EIF3I: variants seen among roughly 807,000 people sequenced by gnomAD.
EIF3I encodes eukaryotic translation initiation factor 3 subunit I.
In EIF3I, 20 loss-of-function variants were observed where a neutral mutation model predicts 43.3. The ratio of observed to expected loss-of-function variants is 0.46; its 90% CI spans 0.32 to 0.67. EIF3I has a LOEUF of 0.67. Ranked by LOEUF, EIF3I falls within the 30% of genes least tolerant of loss-of-function variation. The pLI, the probability that EIF3I is intolerant of heterozygous loss-of-function variation, is 0.03. For synonymous variants in EIF3I, 167 were observed against 151.7 expected (o/e 1.10, Z -0.74); for missense variants, 279 against 421.4 (o/e 0.66, Z 2.96).
rs753595252 is a variant in EIF3I, at chr1:32,224,479, A to G, written c.250+4A>G. On this transcript the variant is annotated splice_donor_region_variant and intron_variant, in intron 4 of 11. Coordinates refer to ENST00000676679, the Ensembl canonical transcript of EIF3I. ...CGTCTCTGGGACTGTGAAACAGGTA[A>G]GCTGGGTTCATTCACCTTTTTAGCA... is the stretch of plus-strand genomic sequence containing the variant. 6.2e-7 allele frequency: 1 copy of G among 1,612,742 alleles called. No homozygotes were observed. The highest frequency in any genetic ancestry group is 1.1e-5 in the South Asian group (1 of 91,034).
chr1:32,230,719 G>C (rs1181596168), intron 10 of EIF3I, among the ~76,000 whole-genome samples: 1 of 152,122 alleles, frequency 6.6e-6, no homozygotes, highest in African/African-American at 2.4e-5. Context: ...AACCACTCAG[G>C]AGGCTGAGGC....
At chr1:32,222,693 C>A in intron 2 of EIF3I, 63 bp downstream of exon 2, 2 of 1,534,104 alleles carry the variant, frequency 1.3e-6, no homozygotes, top group Non-Finnish European at 1.8e-6. Context: ...GATGGGTGGA[C>A]ACGCCAGTTT....
chr1:32,229,886 T>G (rs1436295537), intron 9 of EIF3I, among the ~76,000 whole-genome samples: 3 of 152,138 alleles, frequency 2.0e-5, no homozygotes, highest in Non-Finnish European at 2.9e-5. Context: ...TTTCCTCTAC[T>G]GTATAATGAG....
intron 2 of EIF3I, among the ~76,000 whole-genome samples, chr1:32,223,033 G>A (rs984839310): frequency 6.6e-6 from 1 of 152,192 alleles, no homozygotes; most frequent in East Asian, 1.9e-4. Flanking sequence ...AGCTGAGATC[G>A]TGCCACTGCA....
chr1:32,232,120 T>G, downstream of EIF3I: 1 of 152,450 alleles, frequency 6.6e-6, no homozygotes, highest in Non-Finnish European at 1.5e-5. Flanking sequence ...GAGTCTTTGT[T>G]GCTCTTTTGG....
At position 32,228,714 on chromosome 1, in the gene EIF3I, C is replaced by T; in HGVS notation, c.640-13C>T. On this transcript the variant is annotated splice_polypyrimidine_tract_variant and intron_variant, in intron 7 of 11. Transcript: ENST00000676679. ...AGCTCTTTACAGATTTCCCCCCTGC[C>T]TTCTCTCTCCAGCTTTTTGACTCCA... 1.2e-6 allele frequency: 2 copies of T among 1,612,924 alleles called. No individual in the cohort carries two copies. The highest frequency in any genetic ancestry group is 8.5e-7 in the Non-Finnish European group (1 of 1,178,966).
chr1:32,226,534 A>G lies in EIF3I; in HGVS notation c.528+4A>G. ...GCTCAACCAGTATAGTGCCAAGGTA[A>G]GAGGCCACATGGGGCCTGAGCCTAC... On this transcript the variant is annotated splice_donor_region_variant and intron_variant, in intron 6 of 11. Coordinates refer to ENST00000676679, the Ensembl canonical transcript of EIF3I. 6.6e-7 allele frequency: 1 copy of G among 1,523,574 alleles called. No homozygotes were observed. The highest frequency in any genetic ancestry group is 8.8e-7 in the Non-Finnish European group (1 of 1,142,242). 94.4% of individuals were successfully genotyped at this position (1,523,574 alleles called of 1,614,324 possible).
intron 2 of EIF3I, among the ~76,000 whole-genome samples, chr1:32,223,014 A>C: frequency 6.6e-6 from 1 of 152,164 alleles, no homozygotes; most frequent in East Asian, 1.9e-4. Context: ...GGATCGCTTG[A>C]GCGCGGTGAG....
Position 32,228,712 on chromosome 1 carries a change from GCCTT to G in EIF3I, c.640-13_640-10del. 1 of 1,612,370 alleles carries G rather than the reference GCCTT, an allele frequency of 6.2e-7. No individual in the cohort carries two copies. The highest frequency in any genetic ancestry group is 1.1e-5 in the South Asian group (1 of 91,006). On this transcript the variant is annotated splice_polypyrimidine_tract_variant and intron_variant, in intron 7 of 11. Coordinates refer to ENST00000676679, the Ensembl canonical transcript of EIF3I. ...AAAGCTCTTTACAGATTTCCCCCCT[GCCTT>G]CTCTCTCCAGCTTTTTGACTCCACA... is the stretch of plus-strand genomic sequence containing the variant.
chr1:32,235,424 G>A (rs917572742), downstream of EIF3I, among the ~76,000 whole-genome samples: 1 of 151,512 alleles, frequency 6.6e-6, no homozygotes, highest in Admixed American at 6.6e-5. Flanking sequence ...TCCGCCTCCC[G>A]GGTTTAAGTG....
At chr1:32,223,303 A>G (rs1184031826) in intron 2 of EIF3I, among the ~76,000 whole-genome samples, 2 of 152,246 alleles carry the variant, frequency 1.3e-5, no homozygotes, top group South Asian at 4.1e-4. Flanking sequence ...TTTTTTCTTG[A>G]GACGGAGTCT....
intron 2 of EIF3I, among the ~76,000 whole-genome samples, chr1:32,223,566 T>C (rs1006440210): frequency 5.9e-5 from 9 of 152,312 alleles, no homozygotes; most frequent in Admixed American, 5.9e-4. Context: ...ATTACAGGCA[T>C]GAGTCACCAC....
downstream of EIF3I, chr1:32,234,161 G>T (rs553644288): frequency 6.6e-6 from 1 of 152,230 alleles, no homozygotes; most frequent in South Asian, 2.1e-4. Flanking sequence ...AGCCGGACGT[G>T]GTGGCACATT....
chr1:32,222,661 G>A (rs749865587), intron 2 of EIF3I, 31 bp downstream of exon 2: 5 of 1,605,092 alleles, frequency 3.1e-6, no homozygotes, highest in African/African-American at 2.7e-5. Context: ...GTCCGGGAGG[G>A]GCGGGATCCT....
chr1:32,231,381 C>T (rs1454617290), downstream of EIF3I: 3 of 515,314 alleles, frequency 5.8e-6, no homozygotes, highest in Admixed American at 3.2e-5. Flanking sequence ...GTCCCAGCTA[C>T]TCAGGAGGCT....
rs750505560 is a variant in EIF3I at position 32,222,429 on chromosome 1, C to A, written c.-13C>A. 3.8e-6 allele frequency: 6 copies of A among 1,595,436 alleles called. No homozygotes were observed. The African/African-American group carries it at 5.4e-5, about 14-fold the overall frequency. ...CTTACTCACGTTGCGGCCTTCCTCG[C>A]GTCACAGCCGGGATGGTGAGTTTCA... On this transcript the variant is annotated 5_prime_UTR_variant, in exon 1 of 12. Coordinates refer to ENST00000676679, the Ensembl canonical transcript of EIF3I.
chr1:32,230,085 C>T (rs1043560193), intron 9 of EIF3I, among the ~76,000 whole-genome samples: 1 of 152,164 alleles, frequency 6.6e-6, no homozygotes, highest in African/African-American at 2.4e-5. Flanking sequence ...CAGGGTCTCA[C>T]TATGTTGCCC....
chr1:32,232,386 TAAG>T (rs1193194612), downstream of EIF3I, among the ~76,000 whole-genome samples: 2 of 152,212 alleles, frequency 1.3e-5, no homozygotes, highest in Non-Finnish European at 2.9e-5. Flanking sequence ...TCCTACTTCT[TAAG>T]GAGTTCTATT....
intron 10 of EIF3I, 37 bp from the exon 10 acceptor site, chr1:32,230,890 G>C: frequency 6.7e-7 from 1 of 1,502,250 alleles, no homozygotes; most frequent in South Asian, 1.2e-5. Flanking sequence ...TTTGGAAGAA[G>C]ATAGAAAGTG....
Sources: gnomAD v4.1 joint callset for allele counts (sites outside exome capture counted in the v4.1 genomes callset) on GRCh38, gnomAD v4.1.1 for gene constraint, MANE v1.5 for transcripts, NCBI Gene and HGNC (gene_info 2026-07-23, HGNC 2026-07-21) for gene names.